ZNF275: variants seen among roughly 807,000 people sequenced by gnomAD.
ZNF275 encodes zinc finger protein 275.
A neutral mutation model predicts 4.3 loss-of-function variants in ZNF275; 4 were observed. That is an observed-to-expected ratio of 0.93 (90% CI 0.46 to 2.13). ZNF275 has a LOEUF of 2.13. Among genes scored for constraint, ZNF275 ranks in the 30% most tolerant of loss-of-function variants. The pLI is 0.02. For synonymous variants in ZNF275, 173 were observed against 166.9 expected (o/e 1.04, Z -0.28); for missense variants, 352 against 397.1 (o/e 0.89, Z 0.97).
intron 1 of ZNF275, chrX:153,335,639 G>T (rs2088440870): frequency 9.1e-6 from 1 of 109,835 alleles, no homozygotes; most frequent in African/African-American, 3.3e-5. Context: ...CTAACCATCA[G>T]CACAGACTCA....
At chrX:153,334,731 G>A (rs2088432699) in intron 1 of ZNF275, among the ~76,000 whole-genome samples, 3 of 111,102 alleles carry the variant, frequency 2.7e-5, no homozygotes, top group African/African-American at 9.8e-5. Context: ...ATCTGGAGGG[G>A]GCATTGTAGG....
At position 153,352,192 on chromosome X, in the gene ZNF275, C is replaced by T. The variant is rs1170755148; in HGVS notation, c.*4217C>T. ...GCCCTCATTGGTCCACGTGCGTCCCCACTACAGACTCCTTGACTTGAGCCA... is the reference window on the plus strand; with the variant it reads ...GCCCTCATTGGTCCACGTGCGTCCCTACTACAGACTCCTTGACTTGAGCCA... On this transcript the variant is annotated 3_prime_UTR_variant, in exon 4 of 4. Transcript: ENST00000650114. The T allele has an allele frequency of 1.8e-5, 2 of 111,696 alleles. No homozygotes were observed. Among genetic ancestry groups the T allele is most frequent in the African/African-American group, 6.5e-5 (2 of 30,706 alleles). The allele number at this position is 111,696 out of a possible 1,213,427, so 9.2% of individuals were successfully genotyped here.
intron 2 of ZNF275, among the ~76,000 whole-genome samples, chrX:153,343,822 G>A (rs1408554747): frequency 8.9e-6 from 1 of 112,178 alleles, no homozygotes; most frequent in Non-Finnish European, 1.9e-5. Context: ...AGGCTTGCCA[G>A]TCTCCCTGCC....
Position 153,345,308 on chromosome X carries a change from C to T in ZNF275, c.32-212C>T, listed in dbSNP as rs1330952120. ...GGTGGCCACTTGATACTCCACAGAG[C>T]CTCCCCAAGGTGGGCCCAGAGGCTG... On this transcript the variant is annotated intron_variant, in intron 2 of 3. Coordinates refer to ENST00000650114, the MANE Select transcript of ZNF275 (RefSeq NM_001367757.1). 41 of 325,296 alleles carry T rather than the reference C, an allele frequency of 1.3e-4. No individual in the cohort carries two copies. In the Admixed American group the frequency reaches 1.5e-3, roughly 12 times the overall value. The allele number at this position is 325,296 out of a possible 1,213,427, so 26.8% of individuals were successfully genotyped here.
chrX:153,351,093 G>A lies in ZNF275; in HGVS notation c.*3118G>A, dbSNP rs1381255984. 2 of 123,276 alleles carry A rather than the reference G, an allele frequency of 1.6e-5. No homozygotes were observed. Among genetic ancestry groups the A allele is most frequent in the Non-Finnish European group, 3.8e-5 (2 of 53,203 alleles). 10.2% of individuals were successfully genotyped at this position (123,276 alleles called of 1,213,427 possible). A position where few individuals can be genotyped will look rare whatever the true frequency, so the allele number is the denominator to read the frequency against. On this transcript the variant is annotated 3_prime_UTR_variant, in exon 4 of 4. Transcript: ENST00000650114. ...TGGTGTCTTGGCATCCCTTCCTGCC[G>A]TCCTTGACTCTTTCCCATCTTCAGT...
rs531587901 is a variant in ZNF275, at chrX:153,349,819, G to A, written c.*1844G>A. ...GATGCGGACTCCCTGTCTATCTGTG[G>A]GCACCACTTGACTATCCAACCTGAC... On this transcript the variant is annotated 3_prime_UTR_variant, in exon 4 of 4. Coordinates refer to ENST00000650114, the MANE Select transcript of ZNF275 (RefSeq NM_001367757.1). The A allele has an allele frequency of 2.5e-3, 313 of 123,292 alleles. 2 individuals are homozygous for A. The highest frequency in any genetic ancestry group is 0.023 in the Middle Eastern group (5 of 219). 10.2% of individuals were successfully genotyped at this position (123,292 alleles called of 1,213,427 possible). A position where few individuals can be genotyped will look rare whatever the true frequency, so the allele number is the denominator to read the frequency against.
At chrX:153,335,863 G>C (rs2088442700) in intron 1 of ZNF275, among the ~76,000 whole-genome samples, 2 of 110,842 alleles carry the variant, frequency 1.8e-5, no homozygotes, top group Admixed American at 1.9e-4. Flanking sequence ...TGAGTTCTTA[G>C]TGAACTCCAC....
At chrX:153,340,621 C>A (rs2088475468) in intron 2 of ZNF275, among the ~76,000 whole-genome samples, 1 of 112,688 alleles carries the variant, frequency 8.9e-6, no homozygotes, top group South Asian at 3.6e-4. Flanking sequence ...ACTAAAAATT[C>A]TCACATTACA....
chrX:153,335,473 C>T (rs1286632695), intron 1 of ZNF275: 2 of 105,825 alleles, frequency 1.9e-5, no homozygotes, highest in African/African-American at 6.9e-5. Flanking sequence ...CAGTATCTGG[C>T]CCAGTTCAGT....
intron 2 of ZNF275, among the ~76,000 whole-genome samples, chrX:153,338,792 A>G (rs782766862): frequency 9.3e-6 from 1 of 107,477 alleles, no homozygotes; most frequent in South Asian, 4.3e-4. Context: ...TGTTAACAGG[A>G]TGGTTTAAAG....
At chrX:153,337,023 A>AC (rs1556960642) in intron 2 of ZNF275, among the ~76,000 whole-genome samples, 1 of 111,218 alleles carries the variant, frequency 9.0e-6, no homozygotes, top group African/African-American at 3.3e-5. Context: ...CTTTGAAGAC[A>AC]CCCGTTGCTC....
chrX:153,335,287 A>G (rs1244610788), intron 1 of ZNF275, among the ~76,000 whole-genome samples: 2 of 109,068 alleles, frequency 1.8e-5, no homozygotes, highest in Non-Finnish European at 3.8e-5. Flanking sequence ...CAGTCTCCTT[A>G]GTCAATGAAA....
In ZNF275 at chrX:153,347,439, C is replaced by G; in HGVS notation, c.754C>G (p.Leu252Val). 1.7e-6 allele frequency: 2 copies of G among 1,211,601 alleles called. No homozygotes were observed. The highest frequency in any genetic ancestry group is 2.2e-6 in the Non-Finnish European group (2 of 895,219). ...CSRDFLDRQE[L>V]LKHQRMHTGH... is the part of the protein sequence containing the mutation. ...CAGGGATTTCCTGGATCGCCAGGAG[C>G]TTCTCAAGCACCAGCGCATGCACAC... Residue 252 changes from leucine (L) to valine (V), a missense_variant, in exon 4 of 4, where the codon CTT becomes GTT. Coordinates refer to ENST00000650114, the MANE Select transcript of ZNF275 (RefSeq NM_001367757.1).
Position 153,345,592 on chromosome X carries a change from C to T in ZNF275, c.104C>T (p.Ser35Leu), listed in dbSNP as rs782808492. 34 of 1,208,320 alleles carry T rather than the reference C, an allele frequency of 2.8e-5. No homozygotes were observed. The highest frequency in any genetic ancestry group is 7.0e-5 in the South Asian group (4 of 56,843). ...CAAGTGCTACTGGTGTCAGACCCAT[C>T]GCCCAACACTGATCCTGCTAAGTAC... is the stretch of plus-strand genomic sequence containing the variant. Reference protein sequence around the residue: ...QGQVLLVSDPSPNTDPAKYSE... With the variant: ...QGQVLLVSDPLPNTDPAKYSE... The change falls in exon 3 of 4, where the codon TCG (serine) becomes TTG (leucine). Residue 35 changes from serine to leucine, a missense_variant. Ser to Leu is a moderately radical substitution (Grantham distance 145, BLOSUM62 -2). Coordinates refer to ENST00000650114, the MANE Select transcript of ZNF275 (RefSeq NM_001367757.1).
At chrX:153,344,091 C>A in intron 2 of ZNF275, 1 of 328,902 alleles carries the variant, frequency 3.0e-6, no homozygotes, top group Admixed American at 3.1e-5. Flanking sequence ...ACAGGGCTGT[C>A]GTCACTCATG....
chrX:153,346,931 C>T lies in ZNF275; in HGVS notation c.246C>T (p.His82=), dbSNP rs62642555. The T allele has an allele frequency of 1.5e-3, 1,799 of 1,209,731 alleles. 17 individuals are homozygous for T. The African/African-American group carries it at 0.028, about 19-fold the overall frequency. Residue 82 remains histidine, a synonymous_variant, in exon 4 of 4, where the codon CAC becomes CAT. Transcript: ENST00000650114. ...GTCCCAGTCCTGAATTCAGACAGCACGGGGACTCTGACGGGAAGAGAGGGA... is the reference window on the plus strand; with the variant it reads ...GTCCCAGTCCTGAATTCAGACAGCATGGGGACTCTGACGGGAAGAGAGGGA... The part of the protein sequence containing the change: ...ASGPSPEFRQ[H]GDSDGKRGSP...
At chrX:153,334,393 G>C (rs1556960358) in intron 1 of ZNF275, 108 bp downstream of exon 1, 1 of 111,585 alleles carries the variant, frequency 9.0e-6, no homozygotes, top group Non-Finnish European at 1.9e-5. Context: ...TGAGCGTGCA[G>C]GGCCGCGAGA....
rs2088448110 is a variant in ZNF275 at position 153,336,687 on chromosome X, G to C, written c.8G>C (p.Ser3Thr). 1.7e-6 allele frequency: 2 copies of C among 1,167,803 alleles called. No individual in the cohort carries two copies. Among genetic ancestry groups the C allele is most frequent in the East Asian group, 6.5e-5 (2 of 30,768 alleles). Residue 3 changes from serine to threonine, a missense_variant, in exon 2 of 4, where the codon AGT becomes ACT. Coordinates refer to ENST00000650114, the MANE Select transcript of ZNF275 (RefSeq NM_001367757.1). MMSHPCVSLLGVP... is the reference protein window; with the variant it reads MMTHPCVSLLGVP... Reference sequence around the variant, plus strand: ...TTGGAGTAGTTCTGAGGCATGATGAGTCATCCGTGTGTGTCTCTTTTGGGT... The same window carrying C: ...TTGGAGTAGTTCTGAGGCATGATGACTCATCCGTGTGTGTCTCTTTTGGGT...
rs782603405 is a variant in ZNF275, at chrX:153,348,615, TCAGA to T, written c.*644_*647del. On this transcript the variant is annotated 3_prime_UTR_variant, in exon 4 of 4. Transcript: ENST00000650114. ...CAACATGGGAACCCTGTTTGAGTCA[TCAGA>T]CAGTTTCAAGACACACCCAGTCACT... 3.3e-5 allele frequency: 4 copies of T among 122,524 alleles called. No homozygotes were observed. Among genetic ancestry groups the T allele is most frequent in the South Asian group, 3.8e-4 (1 of 2,598 alleles). The allele number at this position is 122,524 out of a possible 1,213,427, so 10.1% of individuals were successfully genotyped here. A position where few individuals can be genotyped will look rare whatever the true frequency, so the allele number is the denominator to read the frequency against.
Sources: allele counts gnomAD v4.1 joint callset (sites outside exome capture counted in the v4.1 genomes callset), GRCh38; gene constraint gnomAD v4.1.1; transcripts MANE v1.5; gene names NCBI Gene and HGNC (gene_info 2026-07-23, HGNC 2026-07-21).